NKAIN3: variants seen among roughly 807,000 people sequenced by gnomAD.
The protein encoded by NKAIN3 is sodium/potassium-transporting ATPase subunit beta-1-interacting protein 3.
A neutral mutation model predicts 30.2 loss-of-function variants in NKAIN3; 25 were observed. That is an observed-to-expected ratio of 0.83 (90% CI 0.60 to 1.16). NKAIN3 has a LOEUF of 1.16. NKAIN3 is among the 50% of genes most tolerant of loss of function. NKAIN3 has a pLI of 0.00. For missense variants in NKAIN3, 225 were observed against 254.1 expected (o/e 0.89, Z 0.78); for synonymous variants, 91 against 89.6 (o/e 1.02, Z -0.09).
At chr8:62,921,751 ACTAGAATCT>A (rs1233270328) in intron 5 of NKAIN3, among the ~76,000 whole-genome samples, 1 of 152,170 alleles carries the variant, frequency 6.6e-6, no homozygotes, top group Non-Finnish European at 1.5e-5. Context: ...CTTTCATGAG[ACTAGAATCT>A]CTGGAATCAT....
intron 1 of NKAIN3, among the ~76,000 whole-genome samples, chr8:62,421,239 G>A (rs577207221): frequency 6.6e-6 from 1 of 152,152 alleles, no homozygotes; most frequent in Non-Finnish European, 1.5e-5. Flanking sequence ...TCTGGCTATA[G>A]CCCAGCCAGG....
At chr8:62,558,369 TA>T (rs1809472319) in intron 1 of NKAIN3, among the ~76,000 whole-genome samples, 1 of 152,138 alleles carries the variant, frequency 6.6e-6, no homozygotes, top group Admixed American at 6.6e-5. Flanking sequence ...TCTTTTTGGT[TA>T]GTCTTGCTTT....
At position 62,632,933 on chromosome 8, in the gene NKAIN3, A is replaced by T. The variant is rs535870531; in HGVS notation, c.273+43139A>T. On this transcript the variant is annotated intron_variant, in intron 3 of 6. Transcript: ENST00000623646. Reference sequence around the variant, plus strand: ...GTTTTCTGCCTAGGGGAAATGCCCCATCTCTATTTTATGCTGCAATGCTTG... The same window carrying T: ...GTTTTCTGCCTAGGGGAAATGCCCCTTCTCTATTTTATGCTGCAATGCTTG... 6.6e-5 allele frequency among the ~76,000 whole-genome samples: 10 copies of T among 152,264 alleles called. No homozygotes were observed. In the East Asian group the frequency reaches 1.9e-3, roughly 29 times the overall value.
chr8:62,625,621 A>C (rs944357876), intron 3 of NKAIN3, among the ~76,000 whole-genome samples: 4 of 152,156 alleles, frequency 2.6e-5, no homozygotes, highest in African/African-American at 9.6e-5. Flanking sequence ...GGTTGTGATA[A>C]ATGTGACAAT....
intron 4 of NKAIN3, among the ~76,000 whole-genome samples, chr8:62,818,533 A>T (rs1325853015): frequency 6.6e-6 from 1 of 151,662 alleles, no homozygotes; most frequent in Non-Finnish European, 1.5e-5. Context: ...TCCCAGTGTG[A>T]TCTACCTTGT....
At chr8:62,350,638 A>G (rs903675635) in intron 1 of NKAIN3, among the ~76,000 whole-genome samples, 4 of 152,150 alleles carry the variant, frequency 2.6e-5, no homozygotes. Flanking sequence ...GTATATTTTA[A>G]TCATCAAAAA....
intron 1 of NKAIN3, among the ~76,000 whole-genome samples, chr8:62,255,874 A>G (rs571825078): frequency 6.6e-6 from 1 of 152,088 alleles, no homozygotes; most frequent in Non-Finnish European, 1.5e-5. Context: ...ACCAGGATCT[A>G]TTGGATAGAA....
At chr8:62,598,228 G>A (rs531745520) in intron 3 of NKAIN3, among the ~76,000 whole-genome samples, 14 of 152,160 alleles carry the variant, frequency 9.2e-5, no homozygotes, top group East Asian at 5.9e-4. Flanking sequence ...GAGGGGAACC[G>A]AAAGTGGATT....
In NKAIN3 at chr8:62,826,246, G is replaced by A. The variant is rs142801429; in HGVS notation, c.471+79117G>A. 4.5e-4 allele frequency among the ~76,000 whole-genome samples: 68 copies of A among 152,140 alleles called. No homozygotes were observed. In the East Asian group the frequency reaches 5.0e-3, roughly 11 times the overall value. On this transcript the variant is annotated intron_variant, in intron 4 of 6. Coordinates refer to ENST00000623646, the MANE Select transcript of NKAIN3 (RefSeq NM_001304533.3). Reference sequence around the variant, plus strand: ...GCCATAAAGGCATAAACAAAAATAGGTATTACCATAAGAGTAACAAGTGGT... The same window carrying A: ...GCCATAAAGGCATAAACAAAAATAGATATTACCATAAGAGTAACAAGTGGT...
chr8:62,381,268 C>T (rs1407333848), intron 1 of NKAIN3, among the ~76,000 whole-genome samples: 2 of 151,940 alleles, frequency 1.3e-5, no homozygotes, highest in African/African-American at 2.4e-5. Context: ...TGTATGAAGA[C>T]GTTTTAAAAG....
chr8:62,970,727 T>C lies in NKAIN3; in HGVS notation c.*5320T>C, dbSNP rs1823814946. ...AAAGTTGAAAGTCACCTAATTGGGA[T>C]TTGAACAGTCAGTTTTTAACTCAGA... On this transcript the variant is annotated 3_prime_UTR_variant, in exon 7 of 7. Transcript: ENST00000623646. Among the ~76,000 whole-genome samples, 1 of 151,426 alleles carries C rather than the reference T, an allele frequency of 6.6e-6. No individual in the cohort carries two copies. The highest frequency in any genetic ancestry group is 6.6e-5 in the Admixed American group (1 of 15,238).
chr8:62,569,176 C>T (rs1809848948), intron 1 of NKAIN3, among the ~76,000 whole-genome samples: 1 of 152,168 alleles, frequency 6.6e-6, no homozygotes, highest in Admixed American at 6.6e-5. Context: ...GAAACTTCTC[C>T]AGAGTAGCTC....
intron 3 of NKAIN3, among the ~76,000 whole-genome samples, chr8:62,735,700 G>A (rs554088681): frequency 2.4e-4 from 36 of 152,280 alleles, no homozygotes; most frequent in African/African-American, 7.5e-4. Context: ...TCTTTTGGGA[G>A]TGTTAAAGAA....
chr8:62,642,639 T>C (rs1193657308), intron 3 of NKAIN3, among the ~76,000 whole-genome samples: 2 of 152,110 alleles, frequency 1.3e-5, no homozygotes, highest in African/African-American at 4.8e-5. Context: ...ACCCACTTAA[T>C]TCACACCTTA....
intron 1 of NKAIN3, among the ~76,000 whole-genome samples, chr8:62,434,813 A>G (rs1205735752): frequency 6.6e-6 from 1 of 152,200 alleles, no homozygotes; most frequent in Non-Finnish European, 1.5e-5. Context: ...CCTCTCCTGA[A>G]AATTAACTAT....
Position 62,783,784 on chromosome 8 carries a change from A to C in NKAIN3, c.471+36655A>C, listed in dbSNP as rs189781621. Among the ~76,000 whole-genome samples the C allele has an allele frequency of 1.3e-3, 194 of 151,896 alleles. 2 individuals are homozygous for C. The highest frequency in any genetic ancestry group is 2.3e-3 in the Non-Finnish European group (153 of 67,900). On this transcript the variant is annotated intron_variant, in intron 4 of 6. Coordinates refer to ENST00000623646, the MANE Select transcript of NKAIN3 (RefSeq NM_001304533.3). ...ACTCCAGCCATGTGCCACCACATGC[A>C]GCTAAATTTTTTATTTTTTTGTGGA... is the stretch of plus-strand genomic sequence containing the variant.
chr8:62,925,202 A>G (rs1822400949), intron 5 of NKAIN3, among the ~76,000 whole-genome samples: 1 of 152,144 alleles, frequency 6.6e-6, no homozygotes, highest in Admixed American at 6.6e-5. Context: ...TGGAGATCAT[A>G]TCTTACCTAC....
At chr8:62,554,184 G>T (rs114468546) in intron 1 of NKAIN3, among the ~76,000 whole-genome samples, 2 of 152,150 alleles carry the variant, frequency 1.3e-5, no homozygotes, top group Admixed American at 6.5e-5. Context: ...CCTCATGATA[G>T]AATAATTTTT....
chr8:62,599,264 C>A (rs1362769315), intron 3 of NKAIN3, among the ~76,000 whole-genome samples: 2 of 152,018 alleles, frequency 1.3e-5, no homozygotes, highest in Admixed American at 1.3e-4. Flanking sequence ...TCTCCCCATG[C>A]CTTTCAGCAC....
Sources: allele counts gnomAD v4.1 joint callset (sites outside exome capture counted in the v4.1 genomes callset), GRCh38; gene constraint gnomAD v4.1.1; transcripts MANE v1.5; gene names NCBI Gene and HGNC (gene_info 2026-07-23, HGNC 2026-07-21).